Variants in MAPK10 observed in about 807,000 individuals in gnomAD.
MAPK10 encodes the protein JNK3 alpha protein kinase.
MAPK10 carries 25 observed loss-of-function variants against 59.3 expected under a neutral mutation model. That is an observed-to-expected ratio of 0.42 (90% CI 0.31 to 0.59). The LOEUF is 0.59. MAPK10 is among the 20% of genes least tolerant of loss of function. The pLI, the probability that MAPK10 is intolerant of heterozygous loss-of-function variation, is 0.15. For missense variants in MAPK10, 351 were observed against 568.9 expected, an observed-to-expected ratio of 0.62 and a Z score of 3.90; for synonymous variants, 190 against 200.5, an observed-to-expected ratio of 0.95 and a Z score of 0.44.
At chr4:86,114,523 T>C (rs2058019930) in intron 4 of MAPK10, among the ~76,000 whole-genome samples, 1 of 152,182 alleles carries the variant, frequency 6.6e-6, no homozygotes, top group South Asian at 2.1e-4. Flanking sequence ...CAGTGGAGGC[T>C]GCCAAACAGC....
At chr4:86,078,021 G>A (rs1222587854) in intron 9 of MAPK10, among the ~76,000 whole-genome samples, 1 of 152,078 alleles carries the variant, frequency 6.6e-6, no homozygotes, top group Non-Finnish European at 1.5e-5. Flanking sequence ...TATTCGTAAC[G>A]CAGGGAACTT....
chr4:86,276,912 ATG>A (rs1209218608), intron 2 of MAPK10: 3 of 152,184 alleles, frequency 2.0e-5, no homozygotes. Flanking sequence ...CTATGAGTCT[ATG>A]TATAGTCTTA....
At chr4:86,270,043 C>A (rs79057072) in intron 2 of MAPK10, among the ~76,000 whole-genome samples, 2,923 of 152,042 alleles carry the variant, frequency 0.019, 91 homozygotes, top group African/African-American at 0.067. Context: ...ATAAAAAATA[C>A]AAATATTATG....
chr4:86,018,178 G>A (rs1012000828), intron 13 of MAPK10, among the ~76,000 whole-genome samples: 1 of 152,150 alleles, frequency 6.6e-6, no homozygotes, highest in Non-Finnish European at 1.5e-5. Context: ...ACATATGCAA[G>A]GGTCCTATCC....
intron 2 of MAPK10, among the ~76,000 whole-genome samples, chr4:86,320,323 G>A (rs756194898): frequency 6.6e-6 from 1 of 152,180 alleles, no homozygotes; most frequent in East Asian, 1.9e-4. Flanking sequence ...GGATGCAATT[G>A]CAACTACAGT....
At chr4:86,076,366 C>G (rs541235030) in intron 9 of MAPK10, among the ~76,000 whole-genome samples, 3 of 152,338 alleles carry the variant, frequency 2.0e-5, no homozygotes, top group African/African-American at 7.2e-5. Flanking sequence ...GCGTCGCTCA[C>G]GCTGGGAGCT....
At chr4:86,301,075 G>T (rs941946448) in intron 2 of MAPK10, among the ~76,000 whole-genome samples, 1 of 152,028 alleles carries the variant, frequency 6.6e-6, no homozygotes, top group Non-Finnish European at 1.5e-5. Context: ...GCTCTCCCAT[G>T]CATTGTAGGA....
intron 4 of MAPK10, among the ~76,000 whole-genome samples, chr4:86,116,540 TCATGCAAGA>T (rs2058318663): frequency 1.3e-5 from 2 of 152,174 alleles, no homozygotes; most frequent in Non-Finnish European, 2.9e-5. Context: ...ATTGACCAGA[TCATGCAAGA>T]CAGTGGGCCA....
At chr4:86,180,464 A>G in intron 3 of MAPK10, among the ~76,000 whole-genome samples, 1 of 150,554 alleles carries the variant, frequency 6.6e-6, no homozygotes. Context: ...CATATGATCC[A>G]GCAATCCCAC....
At chr4:86,208,580 G>A (rs980954474) in intron 2 of MAPK10, among the ~76,000 whole-genome samples, 3 of 151,722 alleles carry the variant, frequency 2.0e-5, no homozygotes, top group Admixed American at 2.0e-4. Flanking sequence ...GATATTGATG[G>A]GACGTATCTC....
chr4:86,466,649 A>G (rs1752233074), intron 1 of MAPK10, among the ~76,000 whole-genome samples: 1 of 152,240 alleles, frequency 6.6e-6, no homozygotes, highest in African/African-American at 2.4e-5. Flanking sequence ...ATACAAATGT[A>G]AAAATCAAGT....
chr4:86,487,611 G>T (rs1047050588), intron 1 of MAPK10, among the ~76,000 whole-genome samples: 6 of 151,540 alleles, frequency 4.0e-5, no homozygotes, highest in African/African-American at 1.5e-4. Flanking sequence ...GGTGCCTGTA[G>T]TCCCAGCTAC....
chr4:86,075,197 G>A (rs2049019093), intron 9 of MAPK10, among the ~76,000 whole-genome samples: 1 of 152,076 alleles, frequency 6.6e-6, no homozygotes, highest in East Asian at 1.9e-4. Context: ...GGCTCCTGAG[G>A]CTTCTGCATT....
intron 4 of MAPK10, chr4:86,152,501 T>A (rs982615916): frequency 3.9e-5 from 6 of 152,146 alleles, no homozygotes; most frequent in African/African-American, 1.4e-4. Flanking sequence ...TTAAATTCCA[T>A]CACAGGAGAG....
intron 9 of MAPK10, chr4:86,080,461 G>A (rs1251831475): frequency 1.3e-5 from 2 of 151,900 alleles, no homozygotes; most frequent in African/African-American, 4.8e-5. Context: ...AAATTTCAAT[G>A]TAAAATTCTA....
intron 1 of MAPK10, among the ~76,000 whole-genome samples, chr4:86,479,090 G>A (rs1215509378): frequency 1.3e-5 from 2 of 152,106 alleles, no homozygotes; most frequent in Non-Finnish European, 2.9e-5. Context: ...TCACTGGATA[G>A]GTAGAGGCCT....
intron 2 of MAPK10, among the ~76,000 whole-genome samples, chr4:86,270,670 C>T (rs910674447): frequency 1.3e-5 from 2 of 151,944 alleles, no homozygotes; most frequent in African/African-American, 2.4e-5. Context: ...TCCCAAATAT[C>T]CATTCTAGGC....
At chr4:86,464,077 G>A (rs983138715) in intron 1 of MAPK10, among the ~76,000 whole-genome samples, 2 of 152,102 alleles carry the variant, frequency 1.3e-5, no homozygotes, top group Admixed American at 1.3e-4. Flanking sequence ...TATGATCCTG[G>A]AAAAATTATT....
In MAPK10 at chr4:86,511,520, G is replaced by A. The variant is rs555203603; in HGVS notation, c.-263+82390C>T. On this transcript the variant is annotated intron_variant, in intron 1 of 4. Transcript: ENST00000502302. ...GGTGAGGTTGCAGTGAGCCATGATCGCACCACTCTGCTCTCCAGCCTGGGC... is the reference window on the plus strand; with the variant it reads ...GGTGAGGTTGCAGTGAGCCATGATCACACCACTCTGCTCTCCAGCCTGGGC... Among the ~76,000 whole-genome samples, 8 of 152,038 alleles carry A rather than the reference G, an allele frequency of 5.3e-5. No individual in the cohort carries two copies. The South Asian group carries it at 1.5e-3, about 28-fold the overall frequency.
Sources: allele counts gnomAD v4.1 joint callset (sites outside exome capture counted in the v4.1 genomes callset), GRCh38; gene constraint gnomAD v4.1.1; transcripts MANE v1.5; gene names NCBI Gene and HGNC (gene_info 2026-07-23, HGNC 2026-07-21).